The following UROC1 variants were observed in gnomAD, a reference collection of about 807,000 sequenced individuals.
The protein encoded by UROC1 is urocanate hydratase 1.
UROC1 carries 79 observed loss-of-function variants against 89.5 expected under a neutral mutation model. The observed-to-expected ratio is 0.88, with a 90% CI of 0.74 to 1.06. UROC1 has a LOEUF of 1.06. Among genes scored for constraint, UROC1 ranks in the 50% least tolerant of loss-of-function variants. The pLI, the probability that UROC1 is intolerant of heterozygous loss-of-function variation, is 0.00. For missense variants in UROC1, 885 were observed against 907.8 expected, an observed-to-expected ratio of 0.97 and a Z score of 0.32; for synonymous variants, 361 against 354.8, an observed-to-expected ratio of 1.02 and a Z score of -0.20.
chr3:126,489,376 C>T lies in UROC1; in HGVS notation c.1609-1G>A. 6.2e-7 allele frequency: 1 copy of T among 1,611,592 alleles called. No homozygotes were observed. On this transcript the variant is annotated splice_acceptor_variant, in intron 16 of 19. Transcript: ENST00000290868. LOFTEE classifies it high-confidence loss of function. ...GATCTCGGCTCAGGACCACCGGCGCCTGTGCATGGAAGGACAGAAGCTGTC... is the reference window on the plus strand; with the variant it reads ...GATCTCGGCTCAGGACCACCGGCGCTTGTGCATGGAAGGACAGAAGCTGTC...
At chr3:126,482,565 C>T in intron 19 of UROC1, 80 bp from the exon 20 acceptor site, 1 of 1,607,282 alleles carries the variant, frequency 6.2e-7, no homozygotes, top group Non-Finnish European at 8.5e-7. Context: ...CACTTGGGGC[C>T]TCTCTGCTTC....
At chr3:126,497,734 GCTTT>G (rs2107540698) in intron 14 of UROC1, among the ~76,000 whole-genome samples, 1 of 152,344 alleles carries the variant, frequency 6.6e-6, no homozygotes, top group East Asian at 1.9e-4. Context: ...GCTTTGAGGG[GCTTT>G]CTGTCACTCG....
chr3:126,510,546 G>C, intron 2 of UROC1, 118 bp downstream of exon 2: 7 of 1,499,446 alleles, frequency 4.7e-6, no homozygotes, highest in Non-Finnish European at 6.3e-6. Context: ...TCCTGGTCTG[G>C]ACAGACTGGG....
rs529624069 is a variant in UROC1 at position 126,508,032 on chromosome 3, C to T, written c.475G>A (p.Gly159Arg). 13 of 1,614,052 alleles carry T rather than the reference C, an allele frequency of 8.1e-6. No individual in the cohort carries two copies. In the South Asian group the frequency reaches 1.4e-4, roughly 18 times the overall value. The change falls in exon 5 of 20, where the codon GGG (glycine) becomes AGG (arginine). Residue 159 changes from glycine (G) to arginine (R), a missense_variant. Gly to Arg is a moderately radical substitution (Grantham distance 125). Transcript: ENST00000290868. The part of the protein sequence containing the change: ...TEEQTLVMYS[G>R]HPLGLFPSSR... The stretch of plus-strand genomic sequence containing the variant: ...CTGGGAAAGAGGCCAAGTGGGTGCC[C>T]ACTGTACATGACCAAAGTCTGCTCC...
chr3:126,496,115 G>C lies in UROC1; in HGVS notation c.1439-7C>G, dbSNP rs370674108. 2.0e-5 allele frequency: 33 copies of C among 1,612,312 alleles called. No individual in the cohort carries two copies. The African/African-American group carries it at 3.6e-4, about 18-fold the overall frequency. ...AGCTTCACAGACACCTTCACTGCAG[G>C]AGAGAGGACAGCAGGCGTCAGAGAC... On this transcript the variant is annotated splice_region_variant and splice_polypyrimidine_tract_variant and intron_variant, in intron 14 of 19. Coordinates refer to ENST00000290868, the MANE Select transcript of UROC1 (RefSeq NM_144639.3).
Position 126,482,499 on chromosome 3 carries a change from G to A in UROC1, c.1891-14C>T, listed in dbSNP as rs763704781. ...GCGCCGGGCCACCTAGGGCAAGGAG[G>A]GGGATAGCAGTCCATGTCAACATAA... On this transcript the variant is annotated splice_polypyrimidine_tract_variant and intron_variant, in intron 19 of 19. Coordinates refer to ENST00000290868, the MANE Select transcript of UROC1 (RefSeq NM_144639.3). 12 of 1,613,684 alleles carry A rather than the reference G, an allele frequency of 7.4e-6. No homozygotes were observed. The South Asian group carries it at 1.3e-4, about 18-fold the overall frequency.
At position 126,502,034 on chromosome 3, in the gene UROC1, C is replaced by G. The variant is rs1056804601; in HGVS notation, c.903-754G>C. 1.4e-5 allele frequency: 19 copies of G among 1,403,794 alleles called. No homozygotes were observed. In the East Asian group the frequency reaches 2.0e-4, roughly 15 times the overall value. 87.0% of individuals were successfully genotyped at this position (1,403,794 alleles called of 1,614,324 possible). A position where few individuals can be genotyped will look rare whatever the true frequency, so the allele number is the denominator to read the frequency against. On this transcript the variant is annotated intron_variant, in intron 9 of 19. Coordinates refer to ENST00000290868, the MANE Select transcript of UROC1 (RefSeq NM_144639.3). ...GCGGAAGTGTGGCAGACAGGTTGCT[C>G]GAGACAGTTCCTTAAACTGATTTTG...
intron 1 of UROC1, among the ~76,000 whole-genome samples, chr3:126,515,204 AG>A (rs1936273831): frequency 2.6e-5 from 4 of 152,068 alleles, no homozygotes; most frequent in South Asian, 4.1e-4. Context: ...GGGGATGTGC[AG>A]GCCGCAGGGC....
Position 126,493,956 on chromosome 3 carries a change from G to A in UROC1, c.1510-1440C>T, listed in dbSNP as rs542914723. Among the ~76,000 whole-genome samples, 378 of 152,320 alleles carry A rather than the reference G, an allele frequency of 2.5e-3. 1 individual carries two copies. The highest frequency in any genetic ancestry group is 0.024 in the South Asian group (118 of 4,828). On this transcript the variant is annotated intron_variant, in intron 15 of 19. Transcript: ENST00000290868. ...CAAGCTCAGCTTTGGCCGGGACAAT[G>A]AGTCTAGCTGCTTCTTCCTCCCTCA...
chr3:126,496,196 G>A, intron 14 of UROC1, 88 bp from the exon 15 acceptor site: 1 of 1,339,266 alleles, frequency 7.5e-7, no homozygotes, highest in Admixed American at 1.9e-5. Flanking sequence ...CACAGACCCT[G>A]CCCCGAGCCC....
intron 1 of UROC1, among the ~76,000 whole-genome samples, chr3:126,511,501 G>A (rs148648809): frequency 6.6e-6 from 1 of 152,348 alleles, no homozygotes; most frequent in East Asian, 1.9e-4. Flanking sequence ...CCGCCGCCTC[G>A]GGGCTTGACG....
At chr3:126,498,704 C>T (rs1935841082) in intron 13 of UROC1, among the ~76,000 whole-genome samples, 1 of 152,154 alleles carries the variant, frequency 6.6e-6, no homozygotes. Flanking sequence ...CTCAGCCCCT[C>T]CCACCTCTGC....
chr3:126,488,952 T>C lies in UROC1; in HGVS notation c.1708+324A>G, dbSNP rs192556980. On this transcript the variant is annotated intron_variant, in intron 17 of 19. Coordinates refer to ENST00000290868, the MANE Select transcript of UROC1 (RefSeq NM_144639.3). ...TATCCCCCTCCTCTTGGTGCTCAGC[T>C]ATGAAGATGGGGAAGAGACCAGGAG... Among the ~76,000 whole-genome samples, 53 of 152,128 alleles carry C rather than the reference T, an allele frequency of 3.5e-4. No individual in the cohort carries two copies. The South Asian group carries it at 0.01, about 29-fold the overall frequency.
At position 126,510,645 on chromosome 3, in the gene UROC1, C is replaced by A. The variant is rs1936171555; in HGVS notation, c.257+19G>T. The A allele has an allele frequency of 1.2e-6, 2 of 1,613,478 alleles. No homozygotes were observed. Among genetic ancestry groups the A allele is most frequent in the Non-Finnish European group, 1.7e-6 (2 of 1,179,958 alleles). On this transcript the variant is annotated intron_variant, in intron 2 of 19. Coordinates refer to ENST00000290868, the MANE Select transcript of UROC1 (RefSeq NM_144639.3). ...GCCTGCCCCTCGGGTCCCTTTGAAG[C>A]TGTACCCACAAGGCTGACCTCATTT...
intron 9 of UROC1, among the ~76,000 whole-genome samples, chr3:126,503,332 G>A (rs1935979958): frequency 6.6e-6 from 1 of 152,228 alleles, no homozygotes; most frequent in Non-Finnish European, 1.5e-5. Context: ...CCACTGCACC[G>A]ATGTGTCTTC....
intron 18 of UROC1, among the ~76,000 whole-genome samples, chr3:126,487,654 A>G (rs1403609446): frequency 6.6e-6 from 1 of 152,232 alleles, no homozygotes; most frequent in Non-Finnish European, 1.5e-5. Flanking sequence ...TCCAGCTTCA[A>G]CCAGGAGCCC....
intron 13 of UROC1, 39 bp downstream of exon 13, chr3:126,499,298 C>T: frequency 1.2e-6 from 2 of 1,602,616 alleles, no homozygotes; most frequent in Non-Finnish European, 1.7e-6. Flanking sequence ...GCAGGGGTGG[C>T]ACTGGGCACA....
At chr3:126,506,929 A>AT (rs1470012597) in intron 6 of UROC1, among the ~76,000 whole-genome samples, 2 of 152,084 alleles carry the variant, frequency 1.3e-5, no homozygotes, top group Non-Finnish European at 2.9e-5. Context: ...AATACAAAAA[A>AT]CTAGCTGGCC....
chr3:126,511,496 G>A (rs537405766), intron 1 of UROC1, among the ~76,000 whole-genome samples: 11 of 152,344 alleles, frequency 7.2e-5, no homozygotes, highest in African/African-American at 2.4e-4. Context: ...GCCAGCCGCC[G>A]CCTCGGGGCT....
Sources: gnomAD v4.1 joint callset for allele counts (sites outside exome capture counted in the v4.1 genomes callset) on GRCh38, gnomAD v4.1.1 for gene constraint, MANE v1.5 for transcripts, NCBI Gene and HGNC (gene_info 2026-07-23, HGNC 2026-07-21) for gene names.